The following ERI2 variants were observed in gnomAD, a reference collection of about 807,000 sequenced individuals.
ERI2 encodes the protein ERI1 exoribonuclease 2.
ERI2 carries 35 observed loss-of-function variants against 46.8 expected under a neutral mutation model. That is an observed-to-expected ratio of 0.75 (90% CI 0.57 to 0.99). ERI2 has a LOEUF of 0.99. Among genes scored for constraint, ERI2 ranks in the 50% least tolerant of loss-of-function variants. The pLI is 0.00. For missense variants in ERI2, 695 were observed against 796.2 expected (o/e 0.87, Z 1.53); for synonymous variants, 224 against 271.0 (o/e 0.83, Z 1.70).
chr16:20,786,015 TGATA>T, intron 10 of ERI2: 1 of 1,166,722 alleles, frequency 8.6e-7, no homozygotes, highest in East Asian at 2.5e-5. Flanking sequence ...AATGAATGCA[TGATA>T]GATGAATAAA....
In ERI2 at chr16:20,797,683, G is replaced by A; in HGVS notation, c.*41C>T. The A allele has an allele frequency of 2.0e-6, 3 of 1,477,284 alleles. No individual in the cohort carries two copies. The highest frequency in any genetic ancestry group is 1.4e-5 in the African/African-American group (1 of 70,194). 91.5% of individuals were successfully genotyped at this position (1,477,284 alleles called of 1,614,324 possible). A position where few individuals can be genotyped will look rare whatever the true frequency, so the allele number is the denominator to read the frequency against. On this transcript the variant is annotated 3_prime_UTR_variant, in exon 9 of 9. Transcript: ENST00000357967. ...AGATGTTATCAGAATACTCATGTTTGGAAATTCAAGGAACAATTAGGATTC... is the reference window on the plus strand; with the variant it reads ...AGATGTTATCAGAATACTCATGTTTAGAAATTCAAGGAACAATTAGGATTC...
downstream of ERI2, chr16:20,791,936 A>AT: frequency 1.3e-6 from 2 of 1,583,772 alleles, no homozygotes; most frequent in Non-Finnish European, 1.7e-6. Flanking sequence ...GGAAAAAAAA[A>AT]AAAAAATTCC....
At chr16:20,801,059 A>G in intron 5 of ERI2, 144 bp downstream of exon 5, 1 of 599,632 alleles carries the variant, frequency 1.7e-6, no homozygotes, top group Non-Finnish European at 2.6e-6. Flanking sequence ...CTTGGCTAAC[A>G]TCTGCTAGGC....
At chr16:20,801,563 G>A (rs2080796020) in intron 4 of ERI2, among the ~76,000 whole-genome samples, 1 of 152,098 alleles carries the variant, frequency 6.6e-6, no homozygotes, top group Non-Finnish European at 1.5e-5. Flanking sequence ...AAACACGTGG[G>A]AAAGAAAGAA....
chr16:20,791,925 C>T (rs1179911630), downstream of ERI2: 39 of 1,410,734 alleles, frequency 2.8e-5, 1 homozygote, highest in South Asian at 1.9e-4. Flanking sequence ...GAGACTGTCT[C>T]GGAAAAAAAA....
chr16:20,798,801 A>G lies in ERI2; in HGVS notation c.999T>C (p.Thr333=), dbSNP rs985942957. 4.5e-6 allele frequency: 7 copies of G among 1,551,490 alleles called. No homozygotes were observed. In the Admixed American group the frequency reaches 7.8e-5, roughly 17 times the overall value. ...NVKSSLPLFN[T]KSSTSVGQLQ... is the part of the protein sequence containing the mutation. ...ACTGCCCCACAGAAGTAGAGGACTTAGTATTAAAAAGAGGTAAGGAACTTT... is the reference window on the plus strand; with the variant it reads ...ACTGCCCCACAGAAGTAGAGGACTTGGTATTAAAAAGAGGTAAGGAACTTT... The change falls in exon 9 of 9, where the codon ACT becomes ACC. Residue 333 remains threonine (T), a synonymous_variant. Coordinates refer to ENST00000357967, the MANE Select transcript of ERI2 (RefSeq NM_001142725.2).
rs747096823 is a variant in ERI2, at chr16:20,790,905, A to G, written c.760T>C (p.Trp254Arg). Residue 254 changes from tryptophan (W) to arginine (R), a missense_variant, in exon 9 of 11, where the codon TGG (tryptophan) becomes CGG (arginine). Physicochemically the swap from Trp to Arg is moderately radical, Grantham distance 101 (BLOSUM62 -3). Transcript: ENST00000300005. This position sits in a 1 kb window ranked among gnomAD's most constrained non-coding sequence, Gnocchi z 4.0. ...TCCCCTGAGGCCAGATCACTGTTCC[A>G]GGTCCACGAAGGCAAGAGGAAGGGA... 4 of 1,614,110 alleles carry G rather than the reference A, an allele frequency of 2.5e-6. No individual in the cohort carries two copies. In the South Asian group the frequency reaches 4.4e-5, roughly 18 times the overall value.
chr16:20,780,883 G>T, intron 10 of ERI2: 1 of 1,613,918 alleles, frequency 6.2e-7, no homozygotes. Flanking sequence ...AGTGCAGCTT[G>T]AAGTGTCAAA....
chr16:20,796,267 C>A (rs1481682923), downstream of ERI2: 4 of 1,503,662 alleles, frequency 2.7e-6, no homozygotes, highest in Non-Finnish European at 3.5e-6. Flanking sequence ...AACACACTGG[C>A]CCACCCCACC....
At chr16:20,783,679 A>G (rs1293259915) in intron 10 of ERI2, 3 of 152,230 alleles carry the variant, frequency 2.0e-5, no homozygotes, top group African/African-American at 7.2e-5. Flanking sequence ...AAAAATACAT[A>G]GTGAAAAGTC....
At position 20,798,006 on chromosome 16, in the gene ERI2, C is replaced by T; in HGVS notation, c.1794G>A (p.Lys598=). 6.4e-7 allele frequency: 1 copy of T among 1,551,950 alleles called. No homozygotes were observed. Among genetic ancestry groups the T allele is most frequent in the Non-Finnish European group, 8.7e-7 (1 of 1,146,974 alleles). Reference sequence around the variant, plus strand: ...CAAGTCTCTTAGATCTCCGACCACACTTGCATAATGGAGGTGTCATTTTCC... The same window carrying T: ...CAAGTCTCTTAGATCTCCGACCACATTTGCATAATGGAGGTGTCATTTTCC... ...KSGKMTPPLC[K]CGRRSKRLVV... Residue 598 remains lysine (K), a synonymous_variant, in exon 9 of 9, where the codon AAG becomes AAA. Transcript: ENST00000357967.
rs1200111289 is a variant in ERI2 at position 20,798,658 on chromosome 16, G to T, written c.1142C>A (p.Ser381Tyr). ...STVGSELVLV[S>Y]TTVPTVHHVS... ...ATGATGAACAGTTGGAACGGTGGTA[G>T]AAACAAGTACCAATTCTGAACCAAC... The change falls in exon 9 of 9, where the codon TCT (serine) becomes TAT (tyrosine). Residue 381 changes from serine to tyrosine, a missense_variant. Ser to Tyr is a moderately radical substitution (Grantham distance 144). Transcript: ENST00000357967. 3.2e-6 allele frequency: 5 copies of T among 1,551,524 alleles called. No homozygotes were observed. In the East Asian group the frequency reaches 1.2e-4, roughly 38 times the overall value.
At chr16:20,785,751 T>TA (rs2080458983) in intron 10 of ERI2, among the ~76,000 whole-genome samples, 1 of 152,070 alleles carries the variant, frequency 6.6e-6, no homozygotes, top group African/African-American at 2.4e-5. Flanking sequence ...TATCACCTGG[T>TA]AAAAAATGAA....
intron 10 of ERI2, chr16:20,781,712 T>C: frequency 6.2e-7 from 1 of 1,611,970 alleles, no homozygotes; most frequent in Non-Finnish European, 8.5e-7. Context: ...TTGCAGACAC[T>C]CTCCAAGTAC....
intron 10 of ERI2, among the ~76,000 whole-genome samples, chr16:20,788,326 A>G (rs1231613514): frequency 6.6e-6 from 1 of 152,192 alleles, no homozygotes; most frequent in Non-Finnish European, 1.5e-5. Flanking sequence ...AATTCCCAAC[A>G]TGCATGGCTA....
intron 10 of ERI2, among the ~76,000 whole-genome samples, chr16:20,781,451 TA>T (rs2080351313): frequency 6.6e-6 from 1 of 152,198 alleles, no homozygotes; most frequent in Admixed American, 6.5e-5. Flanking sequence ...TTAGGCAGTA[TA>T]AATAATCTAG....
intron 10 of ERI2, chr16:20,786,347 T>G: frequency 8.3e-7 from 1 of 1,200,424 alleles, no homozygotes; most frequent in Non-Finnish European, 1.1e-6. Context: ...ATTTTGCAAA[T>G]ACCCATATTG....
At chr16:20,792,664 A>G, downstream of ERI2, 4 of 985,364 alleles carry the variant, frequency 4.1e-6, no homozygotes, top group South Asian at 1.9e-4. Flanking sequence ...GCTGGATGGG[A>G]TCAAATTGTT....
At chr16:20,780,384 T>C (rs2080326390) in exon 11 of ERI2, 1 of 464,716 alleles carries the variant, frequency 2.2e-6, no homozygotes, top group African/African-American at 2.0e-5. Context: ...TTATCCATGA[T>C]TGCAAGATCA....
Sources: allele counts gnomAD v4.1 joint callset (sites outside exome capture counted in the v4.1 genomes callset), GRCh38; gene constraint gnomAD v4.1.1; non-coding constraint Gnocchi (gnomAD v3.1); transcripts MANE v1.5; gene names NCBI Gene and HGNC (gene_info 2026-07-23, HGNC 2026-07-21).